COXFA4L2: variants seen among roughly 807,000 people sequenced by gnomAD.
COXFA4L2 encodes the protein cytochrome c oxidase hypoxia associated subunit FA4L2.
chr12:57,235,343 C>T, the COXFA4L2 span: 10 of 596,380 alleles, frequency 1.7e-5, no homozygotes, highest in African/African-American at 5.6e-5. Flanking sequence ...CCTCCTCCCC[C>T]ACGTGGGACT....
At chr12:57,237,333 C>T in the COXFA4L2 span, 1 of 1,414,558 alleles carries the variant, frequency 7.1e-7, no homozygotes, top group African/African-American at 1.4e-5. Context: ...CAGATGTCTG[C>T]ACCTGGACCA....
chr12:57,237,340 A>G, the COXFA4L2 span: 1 of 1,406,298 alleles, frequency 7.1e-7, no homozygotes. Context: ...CTGCACCTGG[A>G]CCAAGGGACA....
At chr12:57,236,892 GGAGA>G in the COXFA4L2 span, 1 of 1,254,780 alleles carries the variant, frequency 8.0e-7, no homozygotes, top group African/African-American at 1.5e-5. Flanking sequence ...GGGACGTTTC[GGAGA>G]GAGACTGGGG....
chr12:57,236,087 G>A, the COXFA4L2 span: 1 of 395,456 alleles, frequency 2.5e-6, no homozygotes, highest in Non-Finnish European at 4.5e-6. Flanking sequence ...TGCCACCCTA[G>A]GTTAACCCTA....
the COXFA4L2 span, chr12:57,235,132 G>A: frequency 5.0e-6 from 1 of 200,876 alleles, no homozygotes. Context: ...AAGCTGAGCA[G>A]CGCCGCCCCT....
chr12:57,235,629 G>C, the COXFA4L2 span: 1 of 1,614,152 alleles, frequency 6.2e-7, no homozygotes, highest in Middle Eastern at 1.7e-4. Flanking sequence ...ACTAAGAGGA[G>C]AGGGAAAGGG....
the COXFA4L2 span, chr12:57,237,462 G>T: frequency 1.4e-6 from 1 of 701,842 alleles, no homozygotes; most frequent in Non-Finnish European, 2.0e-6. Flanking sequence ...AAATGCATGT[G>T]TGGAATGTTC....
the COXFA4L2 span, chr12:57,237,071 A>T: frequency 1.2e-6 from 2 of 1,614,072 alleles, no homozygotes; most frequent in East Asian, 2.2e-5. Flanking sequence ...GGGCCCCAAG[A>T]CTGGCTCCTG....
chr12:57,240,122 C>T, the COXFA4L2 span: 1 of 150,258 alleles, frequency 6.7e-6, no homozygotes, highest in East Asian at 1.9e-4. Flanking sequence ...GGGCCCCTGA[C>T]CCCCCTCTGC....
the COXFA4L2 span, among the ~76,000 whole-genome samples, chr12:57,238,854 G>C: frequency 6.6e-6 from 1 of 151,806 alleles, no homozygotes; most frequent in Non-Finnish European, 1.5e-5. The surrounding 1 kb of genome is among the most constrained non-coding windows in gnomAD (Gnocchi z 6.8). Context: ...GCCACTCTCT[G>C]ACCCTTCTCC....
At chr12:57,237,551 C>T in the COXFA4L2 span, among the ~76,000 whole-genome samples, 1 of 152,170 alleles carries the variant, frequency 6.6e-6, no homozygotes, top group African/African-American at 2.4e-5. Context: ...TGTCCAGGAG[C>T]GGGTCCTGAG....
chr12:57,235,495 G>C, the COXFA4L2 span: 4 of 1,533,316 alleles, frequency 2.6e-6, no homozygotes, highest in Admixed American at 1.7e-5. Flanking sequence ...GGGGCCTGCG[G>C]GGAGGAGTGG....
the COXFA4L2 span, chr12:57,237,152 C>T: frequency 2.5e-6 from 4 of 1,613,850 alleles, no homozygotes; most frequent in Admixed American, 6.7e-5. Context: ...GGGTCCCGCC[C>T]CTGAGTGGGG....
At chr12:57,238,416 C>CG in the COXFA4L2 span, among the ~76,000 whole-genome samples, 1 of 149,776 alleles carries the variant, frequency 6.7e-6, no homozygotes, top group Non-Finnish European at 1.5e-5. The surrounding 1 kb of genome is among the most constrained non-coding windows in gnomAD (Gnocchi z 6.8). Flanking sequence ...GTGGGGGGGG[C>CG]GGGGGAGCGG....
At chr12:57,237,002 A>AGAGGTTCT in the COXFA4L2 span, 1 of 1,613,958 alleles carries the variant, frequency 6.2e-7, no homozygotes, top group Non-Finnish European at 8.5e-7. Flanking sequence ...GTTAGGAGTT[A>AGAGGTTCT]GAGGTTCTGA....
the COXFA4L2 span, among the ~76,000 whole-genome samples, chr12:57,238,110 C>T: frequency 8.1e-4 from 124 of 152,214 alleles, 1 homozygote; most frequent in East Asian, 1.7e-3. The surrounding 1 kb of genome is among the most constrained non-coding windows in gnomAD (Gnocchi z 6.8). Flanking sequence ...CCCCTCCCTC[C>T]TCGCAGCCGA....
chr12:57,235,643 T>C, the COXFA4L2 span: 4 of 1,613,900 alleles, frequency 2.5e-6, no homozygotes, highest in Non-Finnish European at 3.4e-6. Context: ...GAAAGGGGGT[T>C]GCGCTGAGTA....
the COXFA4L2 span, chr12:57,236,752 T>A: frequency 2.4e-5 from 34 of 1,404,746 alleles, no homozygotes; most frequent in Non-Finnish European, 3.2e-5. Context: ...CTTTACAAGC[T>A]TTTCTGCCCA....
chr12:57,240,201 G>C, the COXFA4L2 span: 1 of 152,182 alleles, frequency 6.6e-6, no homozygotes, highest in Admixed American at 6.5e-5. Context: ...CAGAAGCGGA[G>C]CCGGGAGCTG....
Sources: gnomAD v4.1 joint callset for allele counts (sites outside exome capture counted in the v4.1 genomes callset) on GRCh38, gnomAD v4.1.1 for gene constraint, Gnocchi (gnomAD v3.1) non-coding constraint, MANE v1.5 for transcripts, NCBI Gene and HGNC (gene_info 2026-07-23, HGNC 2026-07-21) for gene names.